PFKFB2: variants seen among roughly 807,000 people sequenced by gnomAD.
PFKFB2 encodes 6-phosphofructo-2-kinase/fructose-2,6-bisphosphatase 2.
A neutral mutation model predicts 68.0 loss-of-function variants in PFKFB2; 53 were observed. That is an observed-to-expected ratio of 0.78 (90% CI 0.63 to 0.98). PFKFB2 has a LOEUF of 0.98. Ranked by LOEUF, PFKFB2 falls within the 50% of genes least tolerant of loss-of-function variation. PFKFB2 has a pLI of 0.00. For missense variants in PFKFB2, 451 were observed against 642.0 expected, an observed-to-expected ratio of 0.70 and a Z score of 3.22; for synonymous variants, 222 against 227.6, an observed-to-expected ratio of 0.98 and a Z score of 0.22.
chr1:207,069,463 C>A lies in PFKFB2; in HGVS notation c.1027C>A (p.Arg343=). The A allele has an allele frequency of 1.2e-6, 2 of 1,613,932 alleles. No homozygotes were observed. The highest frequency in any genetic ancestry group is 1.7e-4 in the Middle Eastern group (1 of 6,060). Residue 343 remains arginine, a synonymous_variant, in exon 11 of 15, where the codon CGG becomes AGG. Coordinates refer to ENST00000367080, the MANE Select transcript of PFKFB2 (RefSeq NM_006212.2). ...EEMTYAEIEK[R]YPEEFALRDQ... is the part of the protein sequence containing the mutation. ...GATGACCTATGCAGAGATTGAGAAA[C>A]GGTACCCAGAAGAGTTTGCACTTCG... is the stretch of plus-strand genomic sequence containing the variant.
intron 7 of PFKFB2, 36 bp from the exon 8 acceptor site, chr1:207,065,000 C>G: frequency 6.2e-7 from 1 of 1,608,934 alleles, no homozygotes; most frequent in Non-Finnish European, 8.5e-7. Context: ...ACGGGCAGAC[C>G]TCTGATGAGG....
rs1179275488 is a variant in PFKFB2, at chr1:207,073,830, G to A, written c.*1459G>A. 1.0e-6 allele frequency: 1 copy of A among 985,268 alleles called. No homozygotes were observed. Among genetic ancestry groups the A allele is most frequent in the African/African-American group, 1.7e-5 (1 of 57,242 alleles). 61.0% of individuals were successfully genotyped at this position (985,268 alleles called of 1,614,324 possible). On this transcript the variant is annotated 3_prime_UTR_variant, in exon 15 of 15. Coordinates refer to ENST00000367080, the MANE Select transcript of PFKFB2 (RefSeq NM_006212.2). ...TTGCATGCAAAATGTACGAATATAT[G>A]TATGTTTTTCTGAGAGGCAAGTTTA... is the stretch of plus-strand genomic sequence containing the variant.
At chr1:207,045,317 G>T (rs1380761700) in intron 2 of PFKFB2, 2 of 152,460 alleles carry the variant, frequency 1.3e-5, no homozygotes, top group Non-Finnish European at 2.9e-5. Flanking sequence ...CTAGGGCACA[G>T]ACCATGCTCC....
At chr1:207,055,676 A>G (rs1355012694) in intron 2 of PFKFB2, among the ~76,000 whole-genome samples, 2 of 151,716 alleles carry the variant, frequency 1.3e-5, no homozygotes, top group Non-Finnish European at 2.9e-5. Flanking sequence ...CAGTTAGTCA[A>G]GGAATATATA....
rs1683615074 is a variant in PFKFB2, at chr1:207,076,120, G to A, written c.*3749G>A. The A allele has an allele frequency of 6.1e-6, 6 of 985,312 alleles. No homozygotes were observed. The highest frequency in any genetic ancestry group is 7.2e-6 in the Non-Finnish European group (6 of 829,874). 61.0% of individuals were successfully genotyped at this position (985,312 alleles called of 1,614,324 possible). On this transcript the variant is annotated 3_prime_UTR_variant, in exon 15 of 15. Coordinates refer to ENST00000367080, the MANE Select transcript of PFKFB2 (RefSeq NM_006212.2). The stretch of plus-strand genomic sequence containing the variant: ...TATATTTGTACCCCTAGACTGAATG[G>A]GTGAGTATTCCATATGAGGATCTGG...
Position 207,077,273 on chromosome 1 carries a change from AT to A in PFKFB2, c.*4905del, listed in dbSNP as rs1303461141. On this transcript the variant is annotated 3_prime_UTR_variant, in exon 15 of 15. Transcript: ENST00000367080. The stretch of plus-strand genomic sequence containing the variant: ...GGCTGCTATTTTTAGTCAGCCATGC[AT>A]TTGGATTTTACACTTAATCTAGTAA... 2 of 984,970 alleles carry A rather than the reference AT, an allele frequency of 2.0e-6. No homozygotes were observed. The highest frequency in any genetic ancestry group is 1.2e-4 in the Admixed American group (2 of 16,266). 61.0% of individuals were successfully genotyped at this position (984,970 alleles called of 1,614,324 possible).
At chr1:207,035,577 C>T (rs575979134) in intron 1 of PFKFB2, among the ~76,000 whole-genome samples, 97 of 151,876 alleles carry the variant, frequency 6.4e-4, no homozygotes, top group Non-Finnish European at 1.2e-3. Flanking sequence ...GGCTTGAGAC[C>T]GGGAGATCAA....
At chr1:207,050,764 G>A (rs1459502364), upstream of PFKFB2, 4 of 1,613,434 alleles carry the variant, frequency 2.5e-6, no homozygotes, top group Admixed American at 3.3e-5. Flanking sequence ...ATCCGACGAG[G>A]ATTCGCTGAC....
chr1:207,066,298 G>A (rs1472778233), intron 8 of PFKFB2, among the ~76,000 whole-genome samples: 1 of 152,212 alleles, frequency 6.6e-6, no homozygotes, highest in African/African-American at 2.4e-5. Context: ...TCATGAAAGA[G>A]CATGCATTCA....
downstream of PFKFB2, chr1:207,078,903 C>T: frequency 6.8e-7 from 1 of 1,475,548 alleles, no homozygotes; most frequent in South Asian, 1.1e-5. Flanking sequence ...TTTATGTTCG[C>T]TGCTTGGCAG....
upstream of PFKFB2, among the ~76,000 whole-genome samples, chr1:207,050,271 T>C (rs565515047): frequency 1.2e-3 from 177 of 152,134 alleles, 1 homozygote; most frequent in African/African-American, 4.1e-3. Context: ...AAACGAAGTA[T>C]CTACGAAGGG....
At chr1:207,061,121 A>ATATATATTTT (rs1683087185) in intron 2 of PFKFB2, among the ~76,000 whole-genome samples, 1 of 87,610 alleles carries the variant, frequency 1.1e-5, no homozygotes, top group South Asian at 2.9e-4. Flanking sequence ...ATATATCTTT[A>ATATATATTTT]TATATATCTT....
intron 2 of PFKFB2, chr1:207,045,818 A>G (rs1682587212): frequency 6.6e-6 from 1 of 150,686 alleles, no homozygotes; most frequent in African/African-American, 2.5e-5. Context: ...ATTCCTCATT[A>G]TTATTTTGCT....
At chr1:207,071,127 C>T in intron 12 of PFKFB2, 61 bp from the exon 13 acceptor site, 1 of 1,318,196 alleles carries the variant, frequency 7.6e-7, no homozygotes. Context: ...CTTTCTTCCA[C>T]TAACTTGACC....
intron 2 of PFKFB2, chr1:207,044,287 T>C (rs1165930087): frequency 6.6e-6 from 1 of 152,580 alleles, no homozygotes; most frequent in South Asian, 2.1e-4. Flanking sequence ...GTATTTAGGC[T>C]GAATTCAAAT....
chr1:207,065,277 T>A, intron 8 of PFKFB2, 117 bp downstream of exon 8: 3 of 1,503,196 alleles, frequency 2.0e-6, no homozygotes, highest in Non-Finnish European at 2.7e-6. Flanking sequence ...AGTGTTAACA[T>A]CATCCCAGAG....
Position 207,068,182 on chromosome 1 carries a change from A to G in PFKFB2, c.860A>G (p.Lys287Arg). 6.2e-7 allele frequency: 1 copy of G among 1,609,158 alleles called. No individual in the cohort carries two copies. Among genetic ancestry groups the G allele is most frequent in the South Asian group, 1.1e-5 (1 of 90,426 alleles). ...RGKQFAQALR[K>R]FLEEQEITDL... is the part of the protein sequence containing the mutation. The stretch of plus-strand genomic sequence containing the variant: ...CCCCAGTTTGCCCAAGCTCTAAGGA[A>G]ATTTCTGGAGGAACAGGAAATAACA... Residue 287 changes from lysine to arginine, a missense_variant, in exon 10 of 15, where the codon AAA (lysine) becomes AGA (arginine). Lys to Arg is a conservative substitution (Grantham distance 26). Coordinates refer to ENST00000367080, the MANE Select transcript of PFKFB2 (RefSeq NM_006212.2).
upstream of PFKFB2, chr1:207,051,021 G>A (rs1290768813): frequency 2.7e-6 from 4 of 1,507,602 alleles, no homozygotes; most frequent in Non-Finnish European, 1.8e-6. Flanking sequence ...CCTTTAGCGG[G>A]GCCAAACATC....
rs567305671 is a variant in PFKFB2, at chr1:207,071,452, A to G, written c.1286-57A>G. ...CTTTGTGGTATACTTTCCCATAACT[A>G]AGGAATTTTCCATTGAACCTTTTTC... On this transcript the variant is annotated intron_variant, in intron 13 of 14. Transcript: ENST00000367080. The G allele has an allele frequency of 7.0e-6, 10 of 1,418,668 alleles. No individual in the cohort carries two copies. In the African/African-American group the frequency reaches 1.3e-4, roughly 18 times the overall value. The allele number at this position is 1,418,668 out of a possible 1,614,324, so 87.9% of individuals were successfully genotyped here.
Sources: allele counts gnomAD v4.1 joint callset (sites outside exome capture counted in the v4.1 genomes callset), GRCh38; gene constraint gnomAD v4.1.1; transcripts MANE v1.5; gene names NCBI Gene and HGNC (gene_info 2026-07-23, HGNC 2026-07-21).